Variants in SLIT2 observed in about 807,000 individuals in gnomAD.
SLIT2 encodes slit homolog 2 protein.
A neutral mutation model predicts 185.7 loss-of-function variants in SLIT2; 41 were observed. The observed-to-expected ratio is 0.22, with a 90% CI of 0.17 to 0.29. SLIT2 has a LOEUF of 0.29. SLIT2 is among the 10% of genes least tolerant of loss of function. The probability of loss-of-function intolerance (pLI) is 1.00; values close to 1 mark genes in which losing one functional copy is unlikely to be tolerated. For missense variants in SLIT2, 1,571 were observed against 1,909.0 expected (o/e 0.82, Z 3.30); for synonymous variants, 693 against 680.2 (o/e 1.02, Z -0.29).
chr4:20,535,229 GC>G (rs1396281425), intron 18 of SLIT2, among the ~76,000 whole-genome samples: 1 of 151,982 alleles, frequency 6.6e-6, no homozygotes, highest in African/African-American at 2.4e-5. Context: ...ATCCCGGGAG[GC>G]GGAGATTGCA....
chr4:20,370,313 C>T lies in SLIT2; in HGVS notation c.396-97439C>T, dbSNP rs549610745. Among the ~76,000 whole-genome samples the T allele has an allele frequency of 5.4e-4, 82 of 152,140 alleles. No individual in the cohort carries two copies. In the South Asian group the frequency reaches 0.015, roughly 27 times the overall value. ...TGTTTTGAAAATTGAATATTTCAATCGATTATCTTTTTCCTTGTCTTTCTG... is the reference window on the plus strand; with the variant it reads ...TGTTTTGAAAATTGAATATTTCAATTGATTATCTTTTTCCTTGTCTTTCTG... On this transcript the variant is annotated intron_variant, in intron 4 of 36. Coordinates refer to ENST00000504154, the MANE Select transcript of SLIT2 (RefSeq NM_004787.4).
At chr4:20,455,283 G>A (rs1712938922) in intron 4 of SLIT2, among the ~76,000 whole-genome samples, 1 of 152,114 alleles carries the variant, frequency 6.6e-6, no homozygotes, top group African/African-American at 2.4e-5. Flanking sequence ...ATTAAGGGAA[G>A]AACAATATAA....
chr4:20,561,728 G>A (rs1377220408), intron 26 of SLIT2, among the ~76,000 whole-genome samples: 1 of 151,558 alleles, frequency 6.6e-6, no homozygotes, highest in Non-Finnish European at 1.5e-5. Flanking sequence ...CTTAGATTTT[G>A]GAGGTTTTGA....
chr4:20,541,134 A>T (rs1373900752), intron 19 of SLIT2, among the ~76,000 whole-genome samples: 1 of 152,200 alleles, frequency 6.6e-6, no homozygotes, highest in African/African-American at 2.4e-5. Context: ...AGTTTAAATT[A>T]TTTCTAAATG....
intron 26 of SLIT2, among the ~76,000 whole-genome samples, chr4:20,559,812 A>C (rs1431850476): frequency 6.6e-6 from 1 of 152,004 alleles, no homozygotes; most frequent in Non-Finnish European, 1.5e-5. Context: ...AGTTTATTTT[A>C]AAGTTTTTAA....
chr4:20,615,837 T>A (rs1317527776), intron 34 of SLIT2: 1 of 152,254 alleles, frequency 6.6e-6, no homozygotes, highest in African/African-American at 2.4e-5. Flanking sequence ...CAGCCAGTAG[T>A]CCAGAGTTTA....
chr4:20,326,266 G>C (rs776288378), intron 4 of SLIT2, among the ~76,000 whole-genome samples: 4 of 151,902 alleles, frequency 2.6e-5, no homozygotes, highest in African/African-American at 9.7e-5. Context: ...CCTTTTCTCA[G>C]ACTCTATCTA....
At chr4:20,504,055 T>C (rs1410163425) in intron 9 of SLIT2, among the ~76,000 whole-genome samples, 1 of 152,174 alleles carries the variant, frequency 6.6e-6, no homozygotes, top group Non-Finnish European at 1.5e-5. Flanking sequence ...TGTAGAAATA[T>C]ATGAAAGATT....
chr4:20,510,761 T>C (rs1425856921), intron 10 of SLIT2, among the ~76,000 whole-genome samples, 195 bp downstream of exon 10: 4 of 152,224 alleles, frequency 2.6e-5, no homozygotes, highest in South Asian at 2.1e-4. Context: ...AGGTCTGTAA[T>C]TTAGCATATT....
rs1276346204 is a variant in SLIT2 at position 20,439,371 on chromosome 4, C to T, written c.396-28381C>T. 9.8e-5 allele frequency among the ~76,000 whole-genome samples: 15 copies of T among 152,286 alleles called. No individual in the cohort carries two copies. The South Asian group carries it at 3.1e-3, about 32-fold the overall frequency. On this transcript the variant is annotated intron_variant, in intron 4 of 36. Coordinates refer to ENST00000504154, the MANE Select transcript of SLIT2 (RefSeq NM_004787.4). Reference sequence around the variant, plus strand: ...AAGGTGTCCACAGGGTTGTCTCCTTCTGAGGGCTTGGAGGAGGACTCTGTC... The same window carrying T: ...AAGGTGTCCACAGGGTTGTCTCCTTTTGAGGGCTTGGAGGAGGACTCTGTC...
chr4:20,553,666 C>A (rs1277595625), intron 25 of SLIT2, 139 bp from the exon 26 acceptor site: 2 of 778,330 alleles, frequency 2.6e-6, no homozygotes, highest in Non-Finnish European at 1.8e-6. Flanking sequence ...CTCAATAAAT[C>A]TATGGGGATT....
At chr4:20,606,832 G>T (rs1728829525) in intron 33 of SLIT2, among the ~76,000 whole-genome samples, 1 of 152,082 alleles carries the variant, frequency 6.6e-6, no homozygotes, top group South Asian at 2.1e-4. Flanking sequence ...TATCATACAA[G>T]GTAATTTACT....
intron 4 of SLIT2, among the ~76,000 whole-genome samples, chr4:20,274,858 A>G (rs1353958601): frequency 1.3e-5 from 2 of 152,026 alleles, no homozygotes; most frequent in African/African-American, 2.4e-5. Context: ...GTAGAATACT[A>G]TGATCAATGC....
intron 4 of SLIT2, among the ~76,000 whole-genome samples, chr4:20,321,290 A>G (rs4696953): frequency 1.3e-5 from 2 of 152,084 alleles, no homozygotes; most frequent in Non-Finnish European, 2.9e-5. Context: ...CAATTGCCAA[A>G]ATTCTGCAGA....
At chr4:20,393,855 T>G (rs2109375698) in intron 4 of SLIT2, among the ~76,000 whole-genome samples, 1 of 152,184 alleles carries the variant, frequency 6.6e-6, no homozygotes, top group Admixed American at 6.6e-5. Context: ...TTGTTTTGCC[T>G]TGTGAGCCAC....
At chr4:20,332,631 G>A (rs528303622) in intron 4 of SLIT2, among the ~76,000 whole-genome samples, 6 of 151,876 alleles carry the variant, frequency 4.0e-5, no homozygotes, top group East Asian at 3.9e-4. Flanking sequence ...CCAATGTTGC[G>A]CCACTGCATT....
At chr4:20,555,444 A>ATTG (rs1353695257) in intron 26 of SLIT2, among the ~76,000 whole-genome samples, 1 of 152,052 alleles carries the variant, frequency 6.6e-6, no homozygotes, top group African/African-American at 2.4e-5. Flanking sequence ...CGGTTTCCTC[A>ATTG]TTGTAAGCAA....
intron 4 of SLIT2, among the ~76,000 whole-genome samples, chr4:20,455,479 A>G (rs1335519691): frequency 6.6e-6 from 1 of 152,206 alleles, no homozygotes; most frequent in Non-Finnish European, 1.5e-5. Flanking sequence ...AGAGAATAGT[A>G]AATATGCTAG....
intron 4 of SLIT2, among the ~76,000 whole-genome samples, chr4:20,343,113 G>A (rs1303283672): frequency 2.0e-5 from 3 of 151,910 alleles, no homozygotes; most frequent in African/African-American, 7.3e-5. Context: ...GTACACTGTT[G>A]TTAGCTACTA....
Sources: gnomAD v4.1 joint callset for allele counts (sites outside exome capture counted in the v4.1 genomes callset) on GRCh38, gnomAD v4.1.1 for gene constraint, MANE v1.5 for transcripts, NCBI Gene and HGNC (gene_info 2026-07-23, HGNC 2026-07-21) for gene names.